Variants in EBF1 observed in about 807,000 individuals in gnomAD.
The protein encoded by EBF1 is transcription factor COE1.
In EBF1, 10 loss-of-function variants were observed where a neutral mutation model predicts 68.4. The ratio of observed to expected loss-of-function variants is 0.15; its 90% confidence interval spans 0.09 to 0.25. EBF1 has a LOEUF of 0.25. Among genes scored for constraint, EBF1 ranks in the 10% least tolerant of loss-of-function variants. EBF1 has a pLI of 1.00. For synonymous variants in EBF1, 298 were observed against 299.8 expected, an observed-to-expected ratio of 0.99 and a Z score of 0.06; for missense variants, 509 against 794.4, an observed-to-expected ratio of 0.64 and a Z score of 4.32.
intron 6 of EBF1, among the ~76,000 whole-genome samples, chr5:158,943,540 G>C (rs573835115): frequency 1.3e-5 from 2 of 152,102 alleles, no homozygotes; most frequent in South Asian, 4.1e-4. Flanking sequence ...CCCCAGAAAA[G>C]CTTCTAAACA....
chr5:159,082,723 T>C (rs924567754), intron 5 of EBF1, among the ~76,000 whole-genome samples: 3 of 152,176 alleles, frequency 2.0e-5, no homozygotes, highest in African/African-American at 7.2e-5. Context: ...GTACCCCTTA[T>C]ACATCTATAG....
chr5:158,714,225 G>A lies in EBF1; in HGVS notation c.1126-43C>T, dbSNP rs959397532. On this transcript the variant is annotated intron_variant, in intron 11 of 15. Coordinates refer to ENST00000313708, the MANE Select transcript of EBF1 (RefSeq NM_024007.5). ...GATACAATCCTTTGAGTGAAGGCAG[G>A]TTGTCGTTATCTTTTGACATGATCA... 11 of 1,606,988 alleles carry A rather than the reference G, an allele frequency of 6.8e-6. No individual in the cohort carries two copies. In the African/African-American group the frequency reaches 1.3e-4, roughly 20 times the overall value.
chr5:158,722,546 T>A (rs910754719), intron 11 of EBF1, among the ~76,000 whole-genome samples: 86 of 152,340 alleles, frequency 5.6e-4, no homozygotes, highest in African/African-American at 1.9e-3. Context: ...GGACGTATAC[T>A]ATAGGGAAAC....
chr5:158,995,696 C>G (rs1444811206), intron 6 of EBF1, among the ~76,000 whole-genome samples: 1 of 152,170 alleles, frequency 6.6e-6, no homozygotes, highest in African/African-American at 2.4e-5. Context: ...TAAGGATTAA[C>G]TGGATGATTT....
At chr5:158,948,915 A>G (rs1178211249) in intron 6 of EBF1, among the ~76,000 whole-genome samples, 1 of 152,086 alleles carries the variant, frequency 6.6e-6, no homozygotes, top group African/African-American at 2.4e-5. Context: ...TCAAGTATGG[A>G]ATGGCTGCCT....
intron 6 of EBF1, among the ~76,000 whole-genome samples, chr5:158,882,088 G>T (rs1313447170): frequency 1.3e-5 from 2 of 152,224 alleles, no homozygotes; most frequent in African/African-American, 4.8e-5. Flanking sequence ...TTTGCTGAGA[G>T]ATGGTACACA....
At chr5:158,869,505 C>T (rs989095757) in intron 6 of EBF1, among the ~76,000 whole-genome samples, 3 of 151,950 alleles carry the variant, frequency 2.0e-5, no homozygotes, top group South Asian at 2.1e-4. Context: ...CCTATTTCCT[C>T]TTCTCCAAAC....
intron 6 of EBF1, among the ~76,000 whole-genome samples, chr5:158,948,475 C>T (rs1164615910): frequency 6.6e-6 from 1 of 152,154 alleles, no homozygotes; most frequent in Non-Finnish European, 1.5e-5. Flanking sequence ...TCTGAGATTG[C>T]TCCTTGGGTG....
In EBF1 at chr5:158,810,298, C is replaced by T. The variant is rs145738462; in HGVS notation, c.778+12878G>A. 8.9e-3 allele frequency among the ~76,000 whole-genome samples: 1,360 copies of T among 152,262 alleles called. 12 individuals carry two copies. The highest frequency in any genetic ancestry group is 0.014 in the Non-Finnish European group (933 of 68,020). Reference sequence around the variant, plus strand: ...CCTCAGGCCCAGCACATAGTAGGTGCTCAGTATCTGTTGGCTTCTCCAGCT... The same window carrying T: ...CCTCAGGCCCAGCACATAGTAGGTGTTCAGTATCTGTTGGCTTCTCCAGCT... On this transcript the variant is annotated intron_variant, in intron 8 of 15. Transcript: ENST00000313708.
chr5:158,699,163 G>A (rs761438468), intron 15 of EBF1, 21 bp from the exon 16 acceptor site: 1 of 1,592,504 alleles, frequency 6.3e-7, no homozygotes, highest in African/African-American at 1.4e-5. Flanking sequence ...AAAGACAGAA[G>A]TCAATGGTTT....
At chr5:158,755,201 C>T (rs1245644165) in intron 10 of EBF1, among the ~76,000 whole-genome samples, 3 of 151,818 alleles carry the variant, frequency 2.0e-5, no homozygotes, top group Non-Finnish European at 4.4e-5. Context: ...AAAGACTGCC[C>T]ATTGCCCAAT....
intron 11 of EBF1, among the ~76,000 whole-genome samples, chr5:158,720,991 T>C (rs1237196717): frequency 1.3e-5 from 2 of 152,202 alleles, no homozygotes; most frequent in African/African-American, 4.8e-5. Context: ...AGAGTCTTTT[T>C]AAAAACTGAA....
chr5:158,725,287 A>G (rs1422190200), intron 11 of EBF1, among the ~76,000 whole-genome samples: 2 of 151,966 alleles, frequency 1.3e-5, no homozygotes, highest in Non-Finnish European at 2.9e-5. Flanking sequence ...AGGGTCCACA[A>G]CCCCTCCTTC....
intron 5 of EBF1, among the ~76,000 whole-genome samples, chr5:159,079,572 C>T (rs1779379107): frequency 6.7e-6 from 1 of 150,260 alleles, no homozygotes. Flanking sequence ...TATTATATGA[C>T]TCCCCCTCTT....
At chr5:158,991,716 G>A (rs867146685) in intron 6 of EBF1, among the ~76,000 whole-genome samples, 1 of 152,142 alleles carries the variant, frequency 6.6e-6, no homozygotes, top group African/African-American at 2.4e-5. Context: ...AAGTCATTAG[G>A]TTTTTGTTTA....
chr5:159,004,564 A>G (rs923200726), intron 6 of EBF1, among the ~76,000 whole-genome samples: 2 of 151,944 alleles, frequency 1.3e-5, no homozygotes, highest in African/African-American at 4.8e-5. Flanking sequence ...GTAGGTAGGT[A>G]GGTAGATAAT....
At chr5:159,067,098 G>A (rs770816340) in intron 6 of EBF1, among the ~76,000 whole-genome samples, 1 of 152,136 alleles carries the variant, frequency 6.6e-6, no homozygotes, top group Non-Finnish European at 1.5e-5. Flanking sequence ...GGCAGGAGAG[G>A]GAAATGAGGA....
chr5:158,828,079 C>A (rs1416193642), intron 7 of EBF1, among the ~76,000 whole-genome samples: 1 of 152,046 alleles, frequency 6.6e-6, no homozygotes, highest in Non-Finnish European at 1.5e-5. Context: ...GCTTGTTGTA[C>A]TTTTGCATTA....
chr5:159,059,908 G>T (rs1775481144), intron 6 of EBF1, among the ~76,000 whole-genome samples: 1 of 152,194 alleles, frequency 6.6e-6, no homozygotes, highest in Non-Finnish European at 1.5e-5. Context: ...CAAAGTCAAT[G>T]ATATGAATAA....
Sources: gnomAD v4.1 joint callset for allele counts (sites outside exome capture counted in the v4.1 genomes callset) on GRCh38, gnomAD v4.1.1 for gene constraint, MANE v1.5 for transcripts, NCBI Gene and HGNC (gene_info 2026-07-23, HGNC 2026-07-21) for gene names.